Variants in IRAG1 observed in about 807,000 individuals in gnomAD.
IRAG1 encodes inositol 1,4,5-triphosphate receptor associated 1, also known as IP3R-associated cGMP kinase substrate.
IRAG1 carries 62 observed loss-of-function variants against 106.2 expected under a neutral mutation model. That is an observed-to-expected ratio of 0.58 (90% CI 0.48 to 0.72). The LOEUF is 0.72. IRAG1 is among the 30% of genes least tolerant of loss of function. IRAG1 has a pLI of 0.00. For synonymous variants in IRAG1, 462 were observed against 443.9 expected (o/e 1.04, Z -0.51); for missense variants, 1,064 against 1,140.7 (o/e 0.93, Z 0.97).
intron 1 of IRAG1, chr11:10,690,449 A>C (rs1438764589): frequency 2.0e-5 from 26 of 1,269,966 alleles, no homozygotes; most frequent in Non-Finnish European, 2.5e-5. Context: ...CTTGCAGAGA[A>C]GGCAGGGCTT....
At position 10,581,867 on chromosome 11, in the gene IRAG1, C is replaced by A. The variant is rs772523074; in HGVS notation, c.2360G>T (p.Gly787Val). ...ARMEEEAYSK[G>V]FQEGLKKTKE... is the part of the protein sequence containing the mutation. ...TTGGGGTGGCTGAGGTCTGACTCAC[C>A]CCTTGCTGTAGGCTTCTTCCTCCAT... Residue 787 changes from glycine to valine, a missense_variant and splice_region_variant, in exon 19 of 21, where the codon GGA becomes GTA. By Grantham distance (109) the Gly-to-Val change is moderately radical (BLOSUM62 -3). Coordinates refer to ENST00000423302, the MANE Select transcript of IRAG1 (RefSeq NM_130385.4). 1 of 1,613,424 alleles carries A rather than the reference C, an allele frequency of 6.2e-7. No individual in the cohort carries two copies. The highest frequency in any genetic ancestry group is 1.1e-5 in the South Asian group (1 of 91,056).
chr11:10,664,185 C>T (rs551973493), intron 1 of IRAG1, among the ~76,000 whole-genome samples: 4 of 152,280 alleles, frequency 2.6e-5, no homozygotes, highest in Admixed American at 2.0e-4. Flanking sequence ...GTCCTTCTCA[C>T]GGCATCCCCT....
At chr11:10,675,931 G>A (rs991610240) in intron 1 of IRAG1, among the ~76,000 whole-genome samples, 1 of 152,178 alleles carries the variant, frequency 6.6e-6, no homozygotes, top group Non-Finnish European at 1.5e-5. Context: ...CCTTATTCAT[G>A]GACAGGAGTG....
intron 14 of IRAG1, among the ~76,000 whole-genome samples, chr11:10,602,498 TG>T (rs1177068278): frequency 6.6e-5 from 10 of 151,926 alleles, no homozygotes; most frequent in Non-Finnish European, 1.3e-4. Context: ...TGCTACAACA[TG>T]GGGGGCCGGG....
chr11:10,630,985 G>T (rs140252215), intron 4 of IRAG1, among the ~76,000 whole-genome samples: 71 of 152,316 alleles, frequency 4.7e-4, no homozygotes, highest in African/African-American at 1.6e-3. Flanking sequence ...ATCCTGGTGT[G>T]GAGTATATGG....
intron 14 of IRAG1, among the ~76,000 whole-genome samples, chr11:10,602,160 G>A (rs1435084357): frequency 1.3e-5 from 2 of 152,214 alleles, no homozygotes; most frequent in South Asian, 2.1e-4. Context: ...CACCACTGCT[G>A]AGTCAGATGT....
At chr11:10,655,906 G>T (rs1223719521) in intron 1 of IRAG1, among the ~76,000 whole-genome samples, 1 of 152,110 alleles carries the variant, frequency 6.6e-6, no homozygotes, top group African/African-American at 2.4e-5. Context: ...CCCCACTCTT[G>T]ACAAGATGGA....
intron 3 of IRAG1, among the ~76,000 whole-genome samples, chr11:10,632,561 A>C (rs1339381775): frequency 6.6e-6 from 1 of 152,184 alleles, no homozygotes; most frequent in Admixed American, 6.5e-5. Context: ...CTGACTCTCA[A>C]CTTGGGAACG....
chr11:10,619,409 A>T (rs540018971), intron 10 of IRAG1, among the ~76,000 whole-genome samples: 1 of 152,346 alleles, frequency 6.6e-6, no homozygotes, highest in Non-Finnish European at 1.5e-5. Flanking sequence ...TATAAATACA[A>T]TCTGAGCCAG....
chr11:10,649,311 T>C (rs60189142), intron 2 of IRAG1, among the ~76,000 whole-genome samples: 1 of 152,144 alleles, frequency 6.6e-6, no homozygotes, highest in East Asian at 1.9e-4. Flanking sequence ...AAAGTTGAGT[T>C]TGATGTGGCC....
chr11:10,611,455 G>GTGAAA (rs1174136042), intron 10 of IRAG1: 20 of 152,274 alleles, frequency 1.3e-4, no homozygotes, highest in African/African-American at 4.8e-4. Context: ...TAATAATCAA[G>GTGAAA]TGAAATGCAT....
At chr11:10,599,392 G>T (rs1853703715) in intron 15 of IRAG1, among the ~76,000 whole-genome samples, 1 of 152,192 alleles carries the variant, frequency 6.6e-6, no homozygotes. Flanking sequence ...GAGGCCTTGT[G>T]CAGCAATAAA....
At chr11:10,684,387 C>T (rs1453300431) in intron 1 of IRAG1, among the ~76,000 whole-genome samples, 1 of 151,850 alleles carries the variant, frequency 6.6e-6, no homozygotes, top group Non-Finnish European at 1.5e-5. Context: ...TCTTCTCACT[C>T]ATAGATGGGA....
rs1479644422 is a variant in IRAG1 at position 10,600,983 on chromosome 11, T to C, written c.1952A>G (p.His651Arg). 9.9e-6 allele frequency: 16 copies of C among 1,613,974 alleles called. No homozygotes were observed. Among genetic ancestry groups the C allele is most frequent in the Non-Finnish European group, 1.3e-5 (15 of 1,179,902 alleles). Residue 651 changes from histidine to arginine, a missense_variant, in exon 15 of 21, where the codon CAT becomes CGT. Transcript: ENST00000423302. ...ENLKRTYEKD[H>R]AELMEFKKLA... ...CTTTTTAAACTCCATGAGCTCCGCA[T>C]GGTCCTTCTCATACGTCCTCTTTAG...
chr11:10,683,563 T>G (rs775536662), intron 1 of IRAG1, among the ~76,000 whole-genome samples: 1 of 152,198 alleles, frequency 6.6e-6, no homozygotes, highest in Non-Finnish European at 1.5e-5. Flanking sequence ...TGCCCCCTGG[T>G]TCTCTGCTGT....
At chr11:10,576,751 T>C (rs558969216) in intron 20 of IRAG1, among the ~76,000 whole-genome samples, 176 bp from the exon 21 acceptor site, 1 of 152,332 alleles carries the variant, frequency 6.6e-6, no homozygotes, top group Admixed American at 6.5e-5. Context: ...GCATACTAAA[T>C]GAGAATATCC....
intron 1 of IRAG1, among the ~76,000 whole-genome samples, chr11:10,661,253 G>T (rs1007497825): frequency 2.0e-5 from 3 of 151,932 alleles, no homozygotes; most frequent in African/African-American, 7.3e-5. Flanking sequence ...CCTTATACTT[G>T]GGCTGCCTTC....
intron 15 of IRAG1, among the ~76,000 whole-genome samples, chr11:10,597,744 G>A (rs1853493987): frequency 6.6e-6 from 1 of 152,166 alleles, no homozygotes; most frequent in Non-Finnish European, 1.5e-5. Context: ...ATTGTTTTGT[G>A]TAACTGATGA....
At chr11:10,642,548 A>AAGGC (rs1305375524) in intron 2 of IRAG1, among the ~76,000 whole-genome samples, 1 of 152,218 alleles carries the variant, frequency 6.6e-6, no homozygotes. Context: ...ACCCTGCTGG[A>AAGGC]AGGCAATGTG....
Sources: allele counts gnomAD v4.1 joint callset (sites outside exome capture counted in the v4.1 genomes callset), GRCh38; gene constraint gnomAD v4.1.1; transcripts MANE v1.5; gene names NCBI Gene and HGNC (gene_info 2026-07-23, HGNC 2026-07-21).